Variants in SWT1 observed in about 807,000 individuals in gnomAD.
SWT1 encodes the protein SWT1 RNA endoribonuclease homolog, also known as transcriptional protein SWT1.
In SWT1, 33 loss-of-function variants were observed where a neutral mutation model predicts 107.3. The observed-to-expected ratio is 0.31, with a 90% CI of 0.23 to 0.41. The LOEUF is 0.41. Ranked by LOEUF, SWT1 falls within the 10% of genes least tolerant of loss-of-function variation. The probability of loss-of-function intolerance (pLI) is 1.00; values close to 1 mark genes in which losing one functional copy is unlikely to be tolerated. For missense variants in SWT1, 898 were observed against 1,028.9 expected (o/e 0.87, Z 1.74); for synonymous variants, 345 against 348.3 (o/e 0.99, Z 0.11).
intron 10 of SWT1, among the ~76,000 whole-genome samples, chr1:185,198,762 GTT>G (rs56138070): frequency 2.3e-5 from 3 of 129,220 alleles, no homozygotes. Flanking sequence ...GTTTTTTTTT[GTT>G]TTTTTTTTTT....
intron 14 of SWT1, among the ~76,000 whole-genome samples, chr1:185,215,271 G>A (rs1274045849): frequency 6.6e-6 from 1 of 151,768 alleles, no homozygotes; most frequent in Non-Finnish European, 1.5e-5. Context: ...TTTTTTCTGA[G>A]CTATTTGATA....
intron 6 of SWT1, 97 bp downstream of exon 6, chr1:185,180,547 GA>G: frequency 2.3e-6 from 2 of 855,012 alleles, no homozygotes; most frequent in Non-Finnish European, 3.8e-6. Context: ...CTGATAATAT[GA>G]AAATAACAAT....
intron 16 of SWT1, among the ~76,000 whole-genome samples, chr1:185,267,653 T>G (rs564627969): frequency 9.2e-5 from 14 of 152,328 alleles, no homozygotes; most frequent in Non-Finnish European, 2.1e-4. Flanking sequence ...CAAATATGCA[T>G]TTAATATATA....
chr1:185,218,588 C>A (rs1164970612), intron 14 of SWT1, among the ~76,000 whole-genome samples: 3 of 152,110 alleles, frequency 2.0e-5, no homozygotes, highest in African/African-American at 7.2e-5. Context: ...TAGGATTACA[C>A]GCATGAACCG....
intron 16 of SWT1, among the ~76,000 whole-genome samples, chr1:185,251,111 A>T (rs1421435045): frequency 1.3e-5 from 2 of 152,218 alleles, no homozygotes; most frequent in Non-Finnish European, 2.9e-5. Context: ...GTGTGCATGG[A>T]AAAGTTTTTA....
At chr1:185,161,645 G>A (rs1242200512) in intron 2 of SWT1, among the ~76,000 whole-genome samples, 2 of 152,078 alleles carry the variant, frequency 1.3e-5, no homozygotes, top group Non-Finnish European at 2.9e-5. Flanking sequence ...AGGCTGAAGT[G>A]AGCTATGTTC....
At chr1:185,227,469 T>C in intron 15 of SWT1, 1 of 589,852 alleles carries the variant, frequency 1.7e-6, no homozygotes. Context: ...GTACATATGC[T>C]GTGCAGACTA....
intron 16 of SWT1, among the ~76,000 whole-genome samples, chr1:185,235,555 A>C (rs1369442804): frequency 6.6e-6 from 1 of 152,210 alleles, no homozygotes; most frequent in East Asian, 1.9e-4. Context: ...TATTGATACA[A>C]TGTATCTCAA....
intron 10 of SWT1, among the ~76,000 whole-genome samples, chr1:185,196,369 T>C (rs1048716910): frequency 6.6e-6 from 1 of 152,226 alleles, no homozygotes; most frequent in East Asian, 1.9e-4. Context: ...ACCAGTACCA[T>C]ACTGTTTTTG....
At chr1:185,210,928 G>A (rs963163315) in intron 13 of SWT1, among the ~76,000 whole-genome samples, 28 of 152,098 alleles carry the variant, frequency 1.8e-4, no homozygotes, top group Admixed American at 7.2e-4. Context: ...CAAATCATGC[G>A]TGAACTGCCA....
intron 16 of SWT1, among the ~76,000 whole-genome samples, chr1:185,246,356 C>T (rs1375699426): frequency 1.3e-5 from 2 of 151,672 alleles, no homozygotes; most frequent in Admixed American, 6.6e-5. Context: ...TGGCTCACTG[C>T]GACCTCCACT....
chr1:185,247,475 T>G (rs946199763), intron 16 of SWT1, among the ~76,000 whole-genome samples: 4 of 152,230 alleles, frequency 2.6e-5, no homozygotes, highest in African/African-American at 9.6e-5. Flanking sequence ...TCTTTCATTT[T>G]TTGCATTGAA....
At chr1:185,269,367 G>GTTTTTTTTT (rs1191849201) in intron 16 of SWT1, among the ~76,000 whole-genome samples, 1 of 132,498 alleles carries the variant, frequency 7.5e-6, no homozygotes, top group East Asian at 2.0e-4. Context: ...GGGTTAAGAG[G>GTTTTTTTTT]TTTTTGTTTT....
chr1:185,222,223 C>CT (rs1205541378), intron 15 of SWT1, among the ~76,000 whole-genome samples, 187 bp downstream of exon 15: 1 of 151,548 alleles, frequency 6.6e-6, no homozygotes, highest in East Asian at 1.9e-4. Context: ...AAAAAAAAAG[C>CT]TTTTTTCACT....
At chr1:185,263,774 G>A (rs1023947375) in intron 16 of SWT1, 2 of 152,062 alleles carry the variant, frequency 1.3e-5, no homozygotes, top group African/African-American at 4.8e-5. Flanking sequence ...ATGAAACTGG[G>A]ACTAGAATTT....
intron 5 of SWT1, 60 bp from the exon 6 acceptor site, chr1:185,180,331 T>C (rs779108820): frequency 1.4e-6 from 2 of 1,392,758 alleles, no homozygotes; most frequent in Non-Finnish European, 2.0e-6. Flanking sequence ...AGTGACAAGG[T>C]TGAAAAACCC....
At chr1:185,182,656 C>T (rs1656112497) in intron 7 of SWT1, among the ~76,000 whole-genome samples, 2 of 121,388 alleles carry the variant, frequency 1.6e-5, no homozygotes, top group South Asian at 5.2e-4. Flanking sequence ...CAGAACAAGA[C>T]CCTCTCTCTC....
At chr1:185,226,670 T>C in intron 15 of SWT1, 1 of 430,938 alleles carries the variant, frequency 2.3e-6, no homozygotes, top group Non-Finnish European at 4.0e-6. Flanking sequence ...TGATTCAAAT[T>C]AAAACAAACA....
At chr1:185,210,074 T>C (rs79730294) in intron 13 of SWT1, among the ~76,000 whole-genome samples, 2 of 152,220 alleles carry the variant, frequency 1.3e-5, no homozygotes, top group African/African-American at 2.4e-5. Context: ...ATGGGGTTGT[T>C]TTTTTCTTGT....
Sources: gnomAD v4.1 joint callset for allele counts (sites outside exome capture counted in the v4.1 genomes callset) on GRCh38, gnomAD v4.1.1 for gene constraint, MANE v1.5 for transcripts, NCBI Gene and HGNC (gene_info 2026-07-23, HGNC 2026-07-21) for gene names.